The following GUCA1C variants were observed in gnomAD, a reference collection of about 807,000 sequenced individuals.
GUCA1C encodes guanylate cyclase activator 1C, also known as guanylyl cyclase-activating protein 3.
GUCA1C carries 15 observed loss-of-function variants against 16.2 expected under a neutral mutation model. That is an observed-to-expected ratio of 0.93 (90% CI 0.62 to 1.43). GUCA1C has a LOEUF of 1.43. GUCA1C is among the 40% of genes most tolerant of loss of function. The pLI, the probability that GUCA1C is intolerant of heterozygous loss-of-function variation, is 0.00. For missense variants in GUCA1C, 275 were observed against 244.8 expected, an observed-to-expected ratio of 1.12 and a Z score of -0.82; for synonymous variants, 78 against 85.4, an observed-to-expected ratio of 0.91 and a Z score of 0.48.
chr3:108,922,142 TAC>T (rs1559842305), intron 1 of GUCA1C, among the ~76,000 whole-genome samples: 4 of 143,986 alleles, frequency 2.8e-5, no homozygotes, highest in Admixed American at 7.2e-5. Flanking sequence ...CCATGGTGTA[TAC>T]ACACACACAT....
chr3:108,913,720 G>A (rs541506299), intron 3 of GUCA1C, among the ~76,000 whole-genome samples: 10 of 152,180 alleles, frequency 6.6e-5, no homozygotes, highest in African/African-American at 2.2e-4. Flanking sequence ...CGATTCATAG[G>A]TACTCCAAAG....
intron 1 of GUCA1C, among the ~76,000 whole-genome samples, chr3:108,941,526 T>C (rs577360607): frequency 6.6e-6 from 1 of 152,296 alleles, no homozygotes; most frequent in South Asian, 2.1e-4. Flanking sequence ...CCCTCCTCCA[T>C]TTCATTCCCC....
chr3:108,953,784 T>C lies in GUCA1C; in HGVS notation c.-22A>G. The C allele has an allele frequency of 1.3e-6, 2 of 1,571,774 alleles. No homozygotes were observed. The highest frequency in any genetic ancestry group is 1.8e-6 in the Non-Finnish European group (2 of 1,141,582). On this transcript the variant is annotated 5_prime_UTR_variant, in exon 1 of 4. Coordinates refer to ENST00000261047, the MANE Select transcript of GUCA1C (RefSeq NM_005459.4). ...CCATCTTGACTCACAGTCTACAGCT[T>C]TTCCTCAGGTTGTTTTCACTTAAGT...
At chr3:108,934,808 C>CTTTTTATTTT in intron 1 of GUCA1C, among the ~76,000 whole-genome samples, 1 of 86,110 alleles carries the variant, frequency 1.2e-5, no homozygotes, top group Non-Finnish European at 2.0e-5. Flanking sequence ...TGTTCTTGAT[C>CTTTTTATTTT]TTTTTTTTTT....
At chr3:108,921,004 A>G (rs549549257) in intron 1 of GUCA1C, among the ~76,000 whole-genome samples, 68 of 152,304 alleles carry the variant, frequency 4.5e-4, no homozygotes, top group Non-Finnish European at 7.9e-4. Flanking sequence ...ACATTCTGCA[A>G]GTCTAGATAT....
intron 1 of GUCA1C, among the ~76,000 whole-genome samples, chr3:108,922,716 A>T (rs1946581200): frequency 6.6e-6 from 1 of 152,144 alleles, no homozygotes; most frequent in Non-Finnish European, 1.5e-5. Flanking sequence ...ATACATGTGC[A>T]GAACGTGCAG....
chr3:108,937,994 C>T (rs1206943733), intron 1 of GUCA1C, among the ~76,000 whole-genome samples: 1 of 151,720 alleles, frequency 6.6e-6, no homozygotes, highest in Admixed American at 6.6e-5. Flanking sequence ...TGCTTGAACC[C>T]GGGAGGCGGA....
chr3:108,920,781 C>A (rs1465928054), intron 1 of GUCA1C, among the ~76,000 whole-genome samples, 196 bp from the exon 2 acceptor site: 1 of 151,980 alleles, frequency 6.6e-6, no homozygotes, highest in African/African-American at 2.4e-5. Flanking sequence ...TACAATTAAG[C>A]GCCTTAAGTA....
chr3:108,911,300 C>T (rs1946450556), intron 3 of GUCA1C, among the ~76,000 whole-genome samples: 1 of 152,134 alleles, frequency 6.6e-6, no homozygotes, highest in African/African-American at 2.4e-5. Flanking sequence ...CCCCCACCCC[C>T]TCAAAAAAGC....
rs200317924 is a variant in GUCA1C at position 108,916,161 on chromosome 3, G to C, written c.408C>G (p.Asn136Lys). ...QQTLSPEEFI[N>K]LVFHKIDINN... is the part of the protein sequence containing the mutation. The stretch of plus-strand genomic sequence containing the variant: ...TTATATCGATCTTATGGAACACCAA[G>C]TTGATGAATTCTTCAGGACTCAGAG... The change falls in exon 3 of 4, where the codon AAC becomes AAG. Residue 136 changes from asparagine to lysine, a missense_variant. Asn to Lys is a moderately conservative substitution (Grantham distance 94). Transcript: ENST00000261047. 15 of 1,613,060 alleles carry C rather than the reference G, an allele frequency of 9.3e-6. No homozygotes were observed. The African/African-American group carries it at 1.7e-4, about 19-fold the overall frequency.
intron 1 of GUCA1C, among the ~76,000 whole-genome samples, chr3:108,926,946 T>C (rs1012045892): frequency 1.3e-5 from 2 of 152,218 alleles, no homozygotes; most frequent in South Asian, 4.1e-4. Flanking sequence ...TCTCTCAGTA[T>C]TTGTTTGTCT....
chr3:108,939,833 C>A (rs2107309375), intron 1 of GUCA1C, among the ~76,000 whole-genome samples: 1 of 152,146 alleles, frequency 6.6e-6, no homozygotes, highest in South Asian at 2.1e-4. Context: ...AATCATCAGG[C>A]AGCTTAAAAA....
At chr3:108,929,684 G>T (rs917509427) in intron 1 of GUCA1C, among the ~76,000 whole-genome samples, 1 of 151,976 alleles carries the variant, frequency 6.6e-6, no homozygotes, top group Non-Finnish European at 1.5e-5. Context: ...TGCCATGATA[G>T]AAGGCTGAAT....
At chr3:108,928,037 A>C (rs1004453949) in intron 1 of GUCA1C, among the ~76,000 whole-genome samples, 1 of 152,208 alleles carries the variant, frequency 6.6e-6, no homozygotes, top group Admixed American at 6.5e-5. Context: ...GGTACTGGGG[A>C]GTATCTGCAA....
intron 2 of GUCA1C, among the ~76,000 whole-genome samples, chr3:108,919,584 A>T (rs1946550948): frequency 6.6e-6 from 1 of 152,196 alleles, no homozygotes; most frequent in East Asian, 1.9e-4. Context: ...TTAACTCTAC[A>T]TTCGCTTATT....
intron 1 of GUCA1C, among the ~76,000 whole-genome samples, chr3:108,942,357 C>T (rs1946795427): frequency 6.6e-6 from 1 of 152,224 alleles, no homozygotes; most frequent in Non-Finnish European, 1.5e-5. Context: ...CATCGCTCAA[C>T]CTCTGCTGCA....
intron 2 of GUCA1C, among the ~76,000 whole-genome samples, chr3:108,917,917 C>T (rs900196592): frequency 1.3e-5 from 2 of 152,112 alleles, no homozygotes; most frequent in African/African-American, 4.8e-5. Flanking sequence ...TGGTGGCGGG[C>T]GCCTGTAATC....
At chr3:108,912,858 G>C (rs1400228455) in intron 3 of GUCA1C, among the ~76,000 whole-genome samples, 2 of 152,090 alleles carry the variant, frequency 1.3e-5, no homozygotes, top group Admixed American at 6.5e-5. Context: ...CACCTACTGT[G>C]TGCCAGCATA....
At chr3:108,931,080 T>C (rs1207746582) in intron 1 of GUCA1C, among the ~76,000 whole-genome samples, 1 of 152,214 alleles carries the variant, frequency 6.6e-6, no homozygotes, top group Non-Finnish European at 1.5e-5. Context: ...TGGACAGTTA[T>C]TGTGTGAATT....
Sources: gnomAD v4.1 joint callset for allele counts (sites outside exome capture counted in the v4.1 genomes callset) on GRCh38, gnomAD v4.1.1 for gene constraint, MANE v1.5 for transcripts, NCBI Gene and HGNC (gene_info 2026-07-23, HGNC 2026-07-21) for gene names.